SLC35F3: variants seen among roughly 807,000 people sequenced by gnomAD.
SLC35F3 encodes the protein solute carrier family 35 member F3, also known as putative thiamine transporter SLC35F3.
A neutral mutation model predicts 49.9 loss-of-function variants in SLC35F3; 25 were observed. The ratio of observed to expected loss-of-function variants is 0.50; its 90% confidence interval spans 0.37 to 0.70. SLC35F3 has a LOEUF of 0.70. SLC35F3 is among the 30% of genes least tolerant of loss of function. The pLI, the probability that SLC35F3 is intolerant of heterozygous loss-of-function variation, is 0.00. For missense variants in SLC35F3, 525 were observed against 639.8 expected, an observed-to-expected ratio of 0.82 and a Z score of 1.94; for synonymous variants, 275 against 265.4, an observed-to-expected ratio of 1.04 and a Z score of -0.35.
chr1:233,942,568 C>G (rs1302029007), intron 2 of SLC35F3, among the ~76,000 whole-genome samples: 1 of 152,056 alleles, frequency 6.6e-6, no homozygotes, highest in Non-Finnish European at 1.5e-5. Flanking sequence ...GTGCTGCCAG[C>G]ACACCTGACT....
chr1:233,922,967 G>A (rs758024765), intron 2 of SLC35F3, among the ~76,000 whole-genome samples: 5 of 152,078 alleles, frequency 3.3e-5, no homozygotes, highest in Non-Finnish European at 7.4e-5. Flanking sequence ...TAGATGTGTG[G>A]TATTATTTCT....
Position 234,320,476 on chromosome 1 carries a change from A to C in SLC35F3, c.1237+289A>C, listed in dbSNP as rs1027645674. On this transcript the variant is annotated intron_variant, in intron 7 of 7. Transcript: ENST00000366618. This position sits in a 1 kb window ranked among gnomAD's most constrained non-coding sequence, Gnocchi z 4.8. ...TTCTCCATAATGGGCTGATTTTCAC[A>C]TACCACTTCAAGACACAGAAAGTCT... Among the ~76,000 whole-genome samples, 5 of 152,202 alleles carry C rather than the reference A, an allele frequency of 3.3e-5. No individual in the cohort carries two copies. The highest frequency in any genetic ancestry group is 1.2e-4 in the African/African-American group (5 of 41,438).
At chr1:234,089,344 G>T (rs1665007867) in intron 2 of SLC35F3, among the ~76,000 whole-genome samples, 1 of 152,226 alleles carries the variant, frequency 6.6e-6, no homozygotes. Context: ...CATTAGGGAA[G>T]ACTTTAGGAA....
chr1:234,198,687 T>C (rs1666850956), intron 2 of SLC35F3, among the ~76,000 whole-genome samples: 1 of 152,192 alleles, frequency 6.6e-6, no homozygotes, highest in African/African-American at 2.4e-5. Flanking sequence ...GATGTTTTGA[T>C]CTATGCATAC....
At chr1:234,103,948 G>A (rs764166248) in intron 2 of SLC35F3, among the ~76,000 whole-genome samples, 6 of 152,200 alleles carry the variant, frequency 3.9e-5, no homozygotes, top group African/African-American at 7.2e-5. Context: ...TCCAAATAGA[G>A]AAGTTCCAGC....
chr1:234,268,453 C>G (rs886591848), intron 3 of SLC35F3: 1 of 151,346 alleles, frequency 6.6e-6, no homozygotes, highest in African/African-American at 2.5e-5. Flanking sequence ...GAAAGGAGAC[C>G]GTGGAGAGAG....
intron 2 of SLC35F3, among the ~76,000 whole-genome samples, chr1:234,139,380 T>C (rs1441692759): frequency 6.6e-6 from 1 of 152,192 alleles, no homozygotes; most frequent in Non-Finnish European, 1.5e-5. Context: ...AAATTGTAGC[T>C]CCACTTCTTC....
intron 2 of SLC35F3, among the ~76,000 whole-genome samples, chr1:234,151,473 C>T (rs1286700473): frequency 6.7e-6 from 1 of 149,838 alleles, no homozygotes; most frequent in Non-Finnish European, 1.5e-5. Flanking sequence ...AATGTGCCCA[C>T]AAATTGAACA....
chr1:234,212,061 T>A (rs1048406653), intron 2 of SLC35F3, among the ~76,000 whole-genome samples: 10 of 152,186 alleles, frequency 6.6e-5, no homozygotes, highest in African/African-American at 2.4e-4. Flanking sequence ...ACAAGCACTC[T>A]CTTTGCCTGC....
At position 234,309,510 on chromosome 1, in the gene SLC35F3, C is replaced by G. The variant is rs1572146629; in HGVS notation, c.828+190C>G. 2.6e-5 allele frequency among the ~76,000 whole-genome samples: 4 copies of G among 152,356 alleles called. No individual in the cohort carries two copies. In the Middle Eastern group the frequency reaches 0.014, roughly 518 times the overall value. ...TGTGCCTTGCCAACCTTCTTGCTTG[C>G]AAACCATACTAGACAAGCATTCATT... On this transcript the variant is annotated intron_variant, in intron 4 of 7. Coordinates refer to ENST00000366618, the MANE Select transcript of SLC35F3 (RefSeq NM_173508.4).
At chr1:234,064,763 T>G (rs952385405) in intron 2 of SLC35F3, among the ~76,000 whole-genome samples, 2 of 151,742 alleles carry the variant, frequency 1.3e-5, no homozygotes, top group Admixed American at 6.6e-5. Context: ...CAGAGGTAGT[T>G]CAGGCATCAT....
intron 2 of SLC35F3, among the ~76,000 whole-genome samples, chr1:234,200,755 T>G (rs1356902654): frequency 6.6e-6 from 1 of 152,192 alleles, no homozygotes; most frequent in Non-Finnish European, 1.5e-5. Flanking sequence ...CCTCCAGAAA[T>G]GTCTCTGAAA....
intron 2 of SLC35F3, among the ~76,000 whole-genome samples, chr1:234,184,544 C>T (rs768193602): frequency 6.6e-6 from 1 of 152,122 alleles, no homozygotes; most frequent in East Asian, 1.9e-4. Context: ...TTGTCAGCGC[C>T]GTCCCATAGT....
At chr1:234,057,190 A>G (rs987615316) in intron 2 of SLC35F3, among the ~76,000 whole-genome samples, 1 of 152,208 alleles carries the variant, frequency 6.6e-6, no homozygotes, top group African/African-American at 2.4e-5. Flanking sequence ...ATTGATTTCT[A>G]TAAAAACATC....
rs1428527174 is a variant in SLC35F3, at chr1:233,961,643, A to G, written c.283+55885A>G. Among the ~76,000 whole-genome samples, 10 of 151,896 alleles carry G rather than the reference A, an allele frequency of 6.6e-5. No individual in the cohort carries two copies. In the East Asian group the frequency reaches 1.8e-3, roughly 27 times the overall value. ...GGCTAATTTTGTGTTTTTGGTAGAG[A>G]TGGGGTTTCACCATGTTGGCCAGGC... On this transcript the variant is annotated intron_variant, in intron 2 of 7. Coordinates refer to ENST00000366618, the MANE Select transcript of SLC35F3 (RefSeq NM_173508.4).
intron 2 of SLC35F3, among the ~76,000 whole-genome samples, chr1:233,930,835 A>G (rs1662231704): frequency 6.6e-6 from 1 of 152,226 alleles, no homozygotes; most frequent in African/African-American, 2.4e-5. Flanking sequence ...GAAGTGGATC[A>G]TCATAAAATT....
In SLC35F3 at chr1:234,320,281, C is replaced by T. The variant is rs1177725922; in HGVS notation, c.1237+94C>T. On this transcript the variant is annotated intron_variant, in intron 7 of 7. Coordinates refer to ENST00000366618, the MANE Select transcript of SLC35F3 (RefSeq NM_173508.4). This position sits in a 1 kb window ranked among gnomAD's most constrained non-coding sequence, Gnocchi z 4.8. ...ACACACACTCATGCATACATACACACTCACACATACACTCACATACACACA... is the reference window on the plus strand; with the variant it reads ...ACACACACTCATGCATACATACACATTCACACATACACTCACATACACACA... 3.6e-6 allele frequency: 3 copies of T among 838,504 alleles called. No homozygotes were observed. The East Asian group carries it at 7.3e-5, about 21-fold the overall frequency. The allele number at this position is 838,504 out of a possible 1,614,324, so 51.9% of individuals were successfully genotyped here.
At chr1:233,997,817 T>A (rs1340347766) in intron 2 of SLC35F3, among the ~76,000 whole-genome samples, 1 of 152,048 alleles carries the variant, frequency 6.6e-6, no homozygotes, top group Admixed American at 6.6e-5. Context: ...AATGGCACAA[T>A]CTTGGCTCAC....
At chr1:233,930,943 A>G (rs1558181821) in intron 2 of SLC35F3, among the ~76,000 whole-genome samples, 1 of 152,298 alleles carries the variant, frequency 6.6e-6, no homozygotes, top group East Asian at 1.9e-4. Flanking sequence ...AAACAGATAT[A>G]TAGACCAATG....
Sources: gnomAD v4.1 joint callset for allele counts (sites outside exome capture counted in the v4.1 genomes callset) on GRCh38, gnomAD v4.1.1 for gene constraint, Gnocchi (gnomAD v3.1) non-coding constraint, MANE v1.5 for transcripts, NCBI Gene and HGNC (gene_info 2026-07-23, HGNC 2026-07-21) for gene names.